Variants in LIN7C observed in about 807,000 individuals in gnomAD.
LIN7C encodes protein lin-7 homolog C.
A neutral mutation model predicts 24.7 loss-of-function variants in LIN7C; 17 were observed. The ratio of observed to expected loss-of-function variants is 0.69; its 90% CI spans 0.47 to 1.03. The LOEUF (loss-of-function observed/expected upper bound fraction) is 1.03, where lower values mean the gene tolerates loss of function less well. Ranked by LOEUF, LIN7C falls within the 50% of genes least tolerant of loss-of-function variation. The pLI is 0.00. For missense variants in LIN7C, 204 were observed against 239.0 expected (o/e 0.85, Z 0.97); for synonymous variants, 90 against 83.4 (o/e 1.08, Z -0.43).
At position 27,495,740 on chromosome 11, in the gene LIN7C, AAAAAAAG is replaced by A. The variant is rs1305741648; in HGVS notation, c.*2902_*2908del. On this transcript the variant is annotated 3_prime_UTR_variant, in exon 5 of 5. Coordinates refer to ENST00000278193, the MANE Select transcript of LIN7C (RefSeq NM_018362.4). Reference sequence around the variant, plus strand: ...TTTAAATTACTGGTAGATTTTATTAAAAAAAAGAAAAAAGAAAAAAAAAGATAAGACT... The same window carrying A: ...TTTAAATTACTGGTAGATTTTATTAAAAAAAAGAAAAAAAAAGATAAGACT... The A allele has an allele frequency of 2.6e-5, 4 of 151,986 alleles. No homozygotes were observed. The highest frequency in any genetic ancestry group is 1.3e-4 in the Admixed American group (2 of 15,240). 9.4% of individuals were successfully genotyped at this position (151,986 alleles called of 1,614,324 possible). A position where few individuals can be genotyped will look rare whatever the true frequency, so the allele number is the denominator to read the frequency against.
At chr11:27,505,832 T>A (rs1865280475) in intron 1 of LIN7C, among the ~76,000 whole-genome samples, 1 of 152,222 alleles carries the variant, frequency 6.6e-6, no homozygotes, top group Non-Finnish European at 1.5e-5. Flanking sequence ...TATCAATGAT[T>A]TCTAATGCTG....
At chr11:27,505,123 A>G (rs1194571722) in intron 1 of LIN7C, among the ~76,000 whole-genome samples, 4 of 152,168 alleles carry the variant, frequency 2.6e-5, no homozygotes, top group African/African-American at 9.7e-5. Context: ...TCCTAAGCTC[A>G]AGAGTTCGAG....
rs1305420524 is a variant in LIN7C at position 27,498,925 on chromosome 11, A to G, written c.439-121T>C. 6 of 808,270 alleles carry G rather than the reference A, an allele frequency of 7.4e-6. No individual in the cohort carries two copies. In the East Asian group the frequency reaches 1.1e-4, roughly 15 times the overall value. 50.1% of individuals were successfully genotyped at this position (808,270 alleles called of 1,614,324 possible). A position where few individuals can be genotyped will look rare whatever the true frequency, so the allele number is the denominator to read the frequency against. On this transcript the variant is annotated intron_variant, in intron 4 of 4. Coordinates refer to ENST00000278193, the MANE Select transcript of LIN7C (RefSeq NM_018362.4). ...AGTTTTAATGTTATATTATTCCAACATTACAAAACTAAGAAATAATCCTGC... is the reference window on the plus strand; with the variant it reads ...AGTTTTAATGTTATATTATTCCAACGTTACAAAACTAAGAAATAATCCTGC...
At chr11:27,504,021 T>C (rs1312846783) in intron 1 of LIN7C, among the ~76,000 whole-genome samples, 8 of 152,160 alleles carry the variant, frequency 5.3e-5, no homozygotes, top group African/African-American at 1.4e-4. Flanking sequence ...TTTCACCATG[T>C]TGGCCAGGCT....
At chr11:27,499,768 G>A (rs896544447) in intron 3 of LIN7C, among the ~76,000 whole-genome samples, 200 bp from the exon 4 acceptor site, 6 of 151,836 alleles carry the variant, frequency 4.0e-5, no homozygotes, top group African/African-American at 7.3e-5. Flanking sequence ...GACTACAGGC[G>A]CCTGCCACCA....
intron 1 of LIN7C, among the ~76,000 whole-genome samples, chr11:27,502,732 T>C (rs1865237918): frequency 6.6e-6 from 1 of 152,176 alleles, no homozygotes; most frequent in Non-Finnish European, 1.5e-5. Flanking sequence ...GGAAGAGTTA[T>C]GAGTTCAGTT....
rs1865148175 is a variant in LIN7C, at chr11:27,494,944, G to T, written c.*3705C>A. 6.6e-6 allele frequency: 1 copy of T among 152,524 alleles called. No homozygotes were observed. Among genetic ancestry groups the T allele is most frequent in the South Asian group, 2.1e-4 (1 of 4,830 alleles). 9.4% of individuals were successfully genotyped at this position (152,524 alleles called of 1,614,324 possible). A position where few individuals can be genotyped will look rare whatever the true frequency, so the allele number is the denominator to read the frequency against. On this transcript the variant is annotated 3_prime_UTR_variant, in exon 5 of 5. Transcript: ENST00000278193. Reference sequence around the variant, plus strand: ...AGGAAATACAATTACTAGAATCCTTGATATTTCAATGATCATTCCACATTA... The same window carrying T: ...AGGAAATACAATTACTAGAATCCTTTATATTTCAATGATCATTCCACATTA...
At chr11:27,503,458 T>C (rs1398258337) in intron 1 of LIN7C, among the ~76,000 whole-genome samples, 1 of 152,240 alleles carries the variant, frequency 6.6e-6, no homozygotes. Context: ...ATAGAGTTAG[T>C]ATGGCCTTCT....
intron 2 of LIN7C, 49 bp from the exon 3 acceptor site, chr11:27,501,615 T>TGTGAAGTTAAAATTTCAG (rs774228244): frequency 7.6e-5 from 23 of 302,678 alleles, no homozygotes; most frequent in Non-Finnish European, 1.2e-4. Flanking sequence ...TTGAGTTCTC[T>TGTGAAGTTAAAATTTCAG]GTGAAGTTAA....
chr11:27,499,760 CTA>C (rs1337753811), intron 3 of LIN7C, among the ~76,000 whole-genome samples, 192 bp from the exon 4 acceptor site: 13 of 152,090 alleles, frequency 8.5e-5, no homozygotes, highest in African/African-American at 3.1e-4. Context: ...GTAGCTGAGA[CTA>C]CAGGCGCCTG....
At chr11:27,502,201 A>G (rs950161261) in intron 1 of LIN7C, among the ~76,000 whole-genome samples, 3 of 152,222 alleles carry the variant, frequency 2.0e-5, no homozygotes, top group African/African-American at 7.2e-5. Context: ...AACACAGGCA[A>G]ATTGAACACA....
In LIN7C at chr11:27,506,766, C is replaced by T. The variant is rs1387341576; in HGVS notation, c.-14G>A. Reference sequence around the variant, plus strand: ...TAGCGCCGCCATCTTCTCCCTTAACCTACAGACCCACAGGAAATGACGACA... The same window carrying T: ...TAGCGCCGCCATCTTCTCCCTTAACTTACAGACCCACAGGAAATGACGACA... On this transcript the variant is annotated 5_prime_UTR_variant, in exon 1 of 5. Coordinates refer to ENST00000278193, the MANE Select transcript of LIN7C (RefSeq NM_018362.4). The T allele has an allele frequency of 1.2e-6, 2 of 1,614,068 alleles. No homozygotes were observed. Among genetic ancestry groups the T allele is most frequent in the African/African-American group, 1.3e-5 (1 of 75,042 alleles).
In LIN7C at chr11:27,499,493, C is replaced by T. The variant is rs1865201092; in HGVS notation, c.304G>A (p.Gly102Ser). 1 of 1,614,020 alleles carries T rather than the reference C, an allele frequency of 6.2e-7. No homozygotes were observed. The highest frequency in any genetic ancestry group is 1.3e-5 in the African/African-American group (1 of 74,902). The change falls in exon 4 of 5, where the codon GGC (glycine) becomes AGC (serine). Residue 102 changes from glycine to serine, a missense_variant. Physicochemically the swap from Gly to Ser is moderately conservative, Grantham distance 56. Transcript: ENST00000278193. The part of the protein sequence containing the change: ...RVVELPKTEE[G>S]LGFNIMGGKE... ...CCTCCCATAATATTGAATCCAAGGC[C>T]CTCTTCTGTTTTTGGTAGCTCAACA...
rs1009636812 is a variant in LIN7C, at chr11:27,499,771, T to C, written c.229-203A>G. 3.3e-5 allele frequency among the ~76,000 whole-genome samples: 5 copies of C among 152,012 alleles called. No individual in the cohort carries two copies. In the East Asian group the frequency reaches 7.8e-4, roughly 24 times the overall value. ...CTGAGTAGCTGAGACTACAGGCGCC[T>C]GCCACCACGCCCGGCTAATTTTTTT... On this transcript the variant is annotated intron_variant, in intron 3 of 4. Transcript: ENST00000278193.
chr11:27,500,701 G>C (rs959523374), intron 3 of LIN7C, among the ~76,000 whole-genome samples: 2 of 152,068 alleles, frequency 1.3e-5, no homozygotes, highest in Non-Finnish European at 2.9e-5. Context: ...TATCTTCGAA[G>C]CTCTGAAAAA....
At chr11:27,505,405 CCTGTTAA>C (rs1865270546) in intron 1 of LIN7C, among the ~76,000 whole-genome samples, 1 of 152,208 alleles carries the variant, frequency 6.6e-6, no homozygotes, top group Non-Finnish European at 1.5e-5. Context: ...AAAACTTACT[CCTGTTAA>C]CACCAAACAG....
chr11:27,498,663 T>C lies in LIN7C; in HGVS notation c.580A>G (p.Arg194Gly). 1.2e-6 allele frequency: 2 copies of C among 1,613,984 alleles called. No individual in the cohort carries two copies. The highest frequency in any genetic ancestry group is 8.5e-7 in the Non-Finnish European group (1 of 1,179,948). The stretch of plus-strand genomic sequence containing the variant: ...TTTGAAATGTATTAGGTCTGTTGCC[T>C]GCGTTTTGCTGATCTCATTTTTTCA... ...RFEKMRSAKR[R>G]QQT Residue 194 changes from arginine to glycine, a missense_variant, in exon 5 of 5, where the codon AGG becomes GGG. Transcript: ENST00000278193.
chr11:27,506,679 C>A (rs927701264), intron 1 of LIN7C, 37 bp downstream of exon 1: 1 of 1,612,426 alleles, frequency 6.2e-7, no homozygotes, highest in African/African-American at 1.3e-5. Context: ...TCCCCCAACC[C>A]TTCCGCCCAC....
rs191935952 is a variant in LIN7C at position 27,503,872 on chromosome 11, C to T, written c.38-1952G>A. Among the ~76,000 whole-genome samples the T allele has an allele frequency of 5.9e-3, 905 of 152,192 alleles. 5 individuals are homozygous for T. The highest frequency in any genetic ancestry group is 0.024 in the Middle Eastern group (7 of 294). On this transcript the variant is annotated intron_variant, in intron 1 of 4. Coordinates refer to ENST00000278193, the MANE Select transcript of LIN7C (RefSeq NM_018362.4). ...TCCCTCTGTTGCTGAGGCTGGGGTG[C>T]AGTGGTACGATCTTGGCTCACTGCA...
Sources: gnomAD v4.1 joint callset for allele counts (sites outside exome capture counted in the v4.1 genomes callset) on GRCh38, gnomAD v4.1.1 for gene constraint, MANE v1.5 for transcripts, NCBI Gene and HGNC (gene_info 2026-07-23, HGNC 2026-07-21) for gene names.